The following TXK variants were observed in gnomAD, a reference collection of about 807,000 sequenced individuals.
TXK encodes the protein TXK tyrosine kinase.
A neutral mutation model predicts 81.0 loss-of-function variants in TXK; 60 were observed. The ratio of observed to expected loss-of-function variants is 0.74; its 90% CI spans 0.60 to 0.92. The LOEUF is 0.92. TXK is among the 40% of genes least tolerant of loss of function. The pLI, the probability that TXK is intolerant of heterozygous loss-of-function variation, is 0.00. For missense variants in TXK, 581 were observed against 638.3 expected (o/e 0.91, Z 0.97); for synonymous variants, 203 against 210.7 (o/e 0.96, Z 0.32).
At chr4:48,127,291 G>A (rs1441682420) in intron 1 of TXK, among the ~76,000 whole-genome samples, 2 of 152,204 alleles carry the variant, frequency 1.3e-5, no homozygotes, top group African/African-American at 4.8e-5. Flanking sequence ...AGGTTGAAGT[G>A]TTGGGCCAAA....
At chr4:48,119,736 T>C (rs1718897713) in intron 1 of TXK, among the ~76,000 whole-genome samples, 1 of 152,210 alleles carries the variant, frequency 6.6e-6, no homozygotes, top group Admixed American at 6.5e-5. Context: ...CTGTGTCTGC[T>C]GGGATGAGGA....
rs184547504 is a variant in TXK at position 48,111,906 on chromosome 4, C to A, written c.380+401G>T. ...ATGTTTGCTTTCAAAACTAGTCATT[C>A]TAGAAACATAAAAGTGAATAAAATA... On this transcript the variant is annotated intron_variant, in intron 4 of 14. Transcript: ENST00000264316. 1.4e-4 allele frequency among the ~76,000 whole-genome samples: 21 copies of A among 152,282 alleles called. No homozygotes were observed. The East Asian group carries it at 3.1e-3, about 22-fold the overall frequency.
intron 6 of TXK, among the ~76,000 whole-genome samples, chr4:48,101,569 T>A (rs1718196931): frequency 6.6e-6 from 1 of 152,040 alleles, no homozygotes; most frequent in African/African-American, 2.4e-5. Flanking sequence ...CAAGTAGGAT[T>A]TAATCCAGGT....
chr4:48,127,078 T>C (rs1191493803), intron 1 of TXK, among the ~76,000 whole-genome samples: 2 of 152,234 alleles, frequency 1.3e-5, no homozygotes, highest in Non-Finnish European at 2.9e-5. Context: ...CCCAATTTTA[T>C]TTAATTTCCC....
chr4:48,081,974 T>C (rs149888787), intron 10 of TXK, among the ~76,000 whole-genome samples: 102 of 152,334 alleles, frequency 6.7e-4, no homozygotes, highest in Non-Finnish European at 1.2e-3. Flanking sequence ...GATGACTTTA[T>C]CTCAAAAATG....
chr4:48,111,919 A>C (rs1718644511), intron 4 of TXK, among the ~76,000 whole-genome samples: 1 of 152,268 alleles, frequency 6.6e-6, no homozygotes, highest in African/African-American at 2.4e-5. Flanking sequence ...GAAACATAAA[A>C]GTGAATAAAA....
At chr4:48,084,542 C>T (rs183534181) in intron 10 of TXK, among the ~76,000 whole-genome samples, 2 of 152,126 alleles carry the variant, frequency 1.3e-5, no homozygotes, top group South Asian at 2.1e-4. Flanking sequence ...TTTTATTATG[C>T]CTATTTAATC....
rs372949304 is a variant in TXK, at chr4:48,113,314, C to T, written c.72-5G>A. On this transcript the variant is annotated splice_polypyrimidine_tract_variant and splice_region_variant and intron_variant, in intron 2 of 14. Coordinates refer to ENST00000264316, the MANE Select transcript of TXK (RefSeq NM_003328.3). Reference sequence around the variant, plus strand: ...CTTATCTGTGTTCTCATTTGTCTGACATTGAAAAGCAATCATGTTACAAAT... The same window carrying T: ...CTTATCTGTGTTCTCATTTGTCTGATATTGAAAAGCAATCATGTTACAAAT... 1.3e-6 allele frequency: 2 copies of T among 1,594,526 alleles called. No homozygotes were observed. Among genetic ancestry groups the T allele is most frequent in the Middle Eastern group, 1.7e-4 (1 of 6,004 alleles).
intron 9 of TXK, among the ~76,000 whole-genome samples, chr4:48,088,156 G>A (rs1274993063): frequency 6.6e-6 from 1 of 152,042 alleles, no homozygotes; most frequent in Non-Finnish European, 1.5e-5. Flanking sequence ...AAAAAACCTA[G>A]AATAAAATAT....
At position 48,074,032 on chromosome 4, in the gene TXK, A is replaced by G. The variant is rs1716967529; in HGVS notation, c.1260T>C (p.Tyr420=). Residue 420 remains tyrosine, a synonymous_variant, in exon 13 of 15, where the codon TAT becomes TAC. Transcript: ENST00000264316. The stretch of plus-strand genomic sequence containing the variant: ...GGAACTTGGCTCCAAAAGAACTGAC[A>G]TACTCATCATCCAAAACGTACCTAA... ...GMTRYVLDDE[Y]VSSFGAKFPI... is the part of the protein sequence containing the mutation. 1 of 1,613,814 alleles carries G rather than the reference A, an allele frequency of 6.2e-7. No individual in the cohort carries two copies. The highest frequency in any genetic ancestry group is 8.5e-7 in the Non-Finnish European group (1 of 1,179,796).
At chr4:48,123,293 T>C (rs1236431763) in intron 1 of TXK, among the ~76,000 whole-genome samples, 1 of 152,234 alleles carries the variant, frequency 6.6e-6, no homozygotes, top group Non-Finnish European at 1.5e-5. Flanking sequence ...CTTTTAGTGA[T>C]AGATGCAAAA....
chr4:48,084,923 C>CGAGAATGGGGCCAGTTA (rs1234656236), intron 10 of TXK, among the ~76,000 whole-genome samples: 1 of 150,860 alleles, frequency 6.6e-6, no homozygotes, highest in Non-Finnish European at 1.5e-5. Flanking sequence ...TCCAGTTAAT[C>CGAGAATGGGGCCAGTTA]ACCTCTGATT....
At chr4:48,087,525 T>C (rs1211350524) in intron 9 of TXK, among the ~76,000 whole-genome samples, 1 of 152,020 alleles carries the variant, frequency 6.6e-6, no homozygotes, top group Non-Finnish European at 1.5e-5. Flanking sequence ...AAGCTCCACC[T>C]CTTAGGTTCA....
chr4:48,075,058 G>A (rs542192783), intron 12 of TXK, among the ~76,000 whole-genome samples: 101 of 152,034 alleles, frequency 6.6e-4, no homozygotes, highest in African/African-American at 2.1e-3. Flanking sequence ...AGCTTTGGGG[G>A]GATCTTTTTC....
At position 48,067,650 on chromosome 4, in the gene TXK, G is replaced by T. The variant is rs867400858; in HGVS notation, c.1571C>A (p.Ala524Glu). The T allele has an allele frequency of 5.6e-6, 9 of 1,613,852 alleles. No homozygotes were observed. The Admixed American group carries it at 1.0e-4, about 18-fold the overall frequency. Residue 524 changes from alanine (A) to glutamate (E), a missense_variant, in exon 15 of 15, where the codon GCG becomes GAG. By Grantham distance (107) the Ala-to-Glu change is moderately radical. Transcript: ENST00000264316. Reference sequence around the variant, plus strand: ...TTCTGTTTCCGGTCACCAGGTTTCCGCAATCTCTGTGACAGCCCGCAGCAG... The same window carrying T: ...TTCTGTTTCCGGTCACCAGGTTTCCTCAATCTCTGTGACAGCCCGCAGCAG... ...AELLRAVTEI[A>E]ETW
intron 11 of TXK, among the ~76,000 whole-genome samples, chr4:48,076,817 T>C (rs1174269482): frequency 6.6e-6 from 1 of 152,148 alleles, no homozygotes; most frequent in Non-Finnish European, 1.5e-5. Flanking sequence ...TTAATAGAGA[T>C]GGGGTTTTGC....
intron 1 of TXK, among the ~76,000 whole-genome samples, chr4:48,124,443 T>A (rs1259775547): frequency 2.6e-5 from 4 of 152,166 alleles, no homozygotes; most frequent in Non-Finnish European, 5.9e-5. Context: ...TTTTAATTTT[T>A]TTTTTCTGTC....
At chr4:48,086,677 G>T in intron 9 of TXK, 40 bp from the exon 10 acceptor site, 1 of 1,577,218 alleles carries the variant, frequency 6.3e-7, no homozygotes, top group Non-Finnish European at 8.7e-7. Flanking sequence ...TAGAAAGAAA[G>T]ACTGTTAAAA....
chr4:48,104,955 C>T lies in TXK; in HGVS notation c.447G>A (p.Glu149=), dbSNP rs184496288. The T allele has an allele frequency of 5.6e-5, 89 of 1,577,620 alleles. No homozygotes were observed. The highest frequency in any genetic ancestry group is 7.2e-5 in the Non-Finnish European group (84 of 1,162,676). ...TTCTGGTAATGTTTCTATGGTACCA[C>T]CTGTAAAAGCAATAAAAATGATTTT... ...ENKITNLEIY[E]WYHRNITRNQ... Residue 149 remains glutamate, a splice_region_variant and synonymous_variant, in exon 6 of 15, where the codon GAG becomes GAA. Transcript: ENST00000264316.
Sources: gnomAD v4.1 joint callset for allele counts (sites outside exome capture counted in the v4.1 genomes callset) on GRCh38, gnomAD v4.1.1 for gene constraint, MANE v1.5 for transcripts, NCBI Gene and HGNC (gene_info 2026-07-23, HGNC 2026-07-21) for gene names.